Variants in PUS10 observed in about 807,000 individuals in gnomAD.
PUS10 encodes tRNA pseudouridine synthase Pus10.
PUS10 carries 59 observed loss-of-function variants against 75.0 expected under a neutral mutation model. The observed-to-expected ratio is 0.79, with a 90% CI of 0.64 to 0.98. The LOEUF is 0.98. Ranked by LOEUF, PUS10 falls within the 50% of genes least tolerant of loss-of-function variation. PUS10 has a pLI of 0.00. For synonymous variants in PUS10, 219 were observed against 211.6 expected, an observed-to-expected ratio of 1.03 and a Z score of -0.30; for missense variants, 650 against 614.4, an observed-to-expected ratio of 1.06 and a Z score of -0.61.
chr2:60,945,172 C>G, intron 16 of PUS10, 64 bp from the exon 17 acceptor site: 10 of 994,638 alleles, frequency 1.0e-5, no homozygotes, highest in Non-Finnish European at 1.6e-5. Flanking sequence ...TAAGATTTGA[C>G]AGGCAAAAAT....
At position 60,961,454 on chromosome 2, in the gene PUS10, A is replaced by G. The variant is rs777475333; in HGVS notation, c.874+9T>C. On this transcript the variant is annotated intron_variant, in intron 10 of 17. Coordinates refer to ENST00000316752, the MANE Select transcript of PUS10 (RefSeq NM_144709.4). ...ACAGTGTATGTATATTCTAGACTAA[A>G]TATTTTACCAGCCACAAAAACAGCA... is the stretch of plus-strand genomic sequence containing the variant. 9.9e-6 allele frequency: 16 copies of G among 1,608,724 alleles called. No homozygotes were observed. The highest frequency in any genetic ancestry group is 1.3e-5 in the Non-Finnish European group (15 of 1,175,198).
chr2:60,983,473 G>A (rs1677531627), intron 4 of PUS10, among the ~76,000 whole-genome samples: 1 of 152,120 alleles, frequency 6.6e-6, no homozygotes, highest in African/African-American at 2.4e-5. Context: ...GAGGTCAGGA[G>A]TTTGAGACCA....
Position 60,965,270 on chromosome 2 carries a change from A to G in PUS10, c.677+153T>C, listed in dbSNP as rs149414078. The G allele has an allele frequency of 6.0e-5, 59 of 977,470 alleles. No homozygotes were observed. The East Asian group carries it at 1.4e-3, about 23-fold the overall frequency. The allele number at this position is 977,470 out of a possible 1,614,324, so 60.5% of individuals were successfully genotyped here. ...GTTTGCCCAGGAACTATGTTCAAGG[A>G]CACATTTTATTTTTTTGAGGGCACA... is the stretch of plus-strand genomic sequence containing the variant. On this transcript the variant is annotated intron_variant, in intron 7 of 17. Transcript: ENST00000316752.
intron 4 of PUS10, among the ~76,000 whole-genome samples, chr2:60,997,445 C>G (rs1381791963): frequency 6.6e-6 from 1 of 151,938 alleles, no homozygotes; most frequent in Non-Finnish European, 1.5e-5. Context: ...CTCGTCTGTA[C>G]TAAAAATACA....
At chr2:61,005,310 A>C (rs1333745933) in intron 4 of PUS10, among the ~76,000 whole-genome samples, 5 of 152,204 alleles carry the variant, frequency 3.3e-5, no homozygotes, top group African/African-American at 1.2e-4. Flanking sequence ...CTAATACGGA[A>C]TATAAATACC....
intron 17 of PUS10, among the ~76,000 whole-genome samples, chr2:60,943,780 G>A (rs1338855281): frequency 6.6e-6 from 1 of 151,638 alleles, no homozygotes. Flanking sequence ...GTGTGTGTGT[G>A]TGTGTGTGTG....
rs1448850034 is a variant in PUS10 at position 60,954,158 on chromosome 2, C to G, written c.1058G>C (p.Gly353Ala). 6.2e-7 allele frequency: 1 copy of G among 1,613,950 alleles called. No homozygotes were observed. Among genetic ancestry groups the G allele is most frequent in the East Asian group, 2.2e-5 (1 of 44,896 alleles). Residue 353 changes from glycine to alanine, a missense_variant and splice_region_variant, in exon 13 of 18, where the codon GGA (glycine) becomes GCA (alanine). Physicochemically the swap from Gly to Ala is moderately conservative, Grantham distance 60. Coordinates refer to ENST00000316752, the MANE Select transcript of PUS10 (RefSeq NM_144709.4). Reference sequence around the variant, plus strand: ...CACCAGCTCAATTGCAAAGGGCCTTCCTGGCAGCACACACCCCGTCATGAA... The same window carrying G: ...CACCAGCTCAATTGCAAAGGGCCTTGCTGGCAGCACACACCCCGTCATGAA... Reference protein sequence around the residue: ...EDVDVRTLGNGRPFAIELVNP... With the variant: ...EDVDVRTLGNARPFAIELVNP...
intron 1 of PUS10, among the ~76,000 whole-genome samples, chr2:61,016,382 G>A (rs989034036): frequency 6.6e-6 from 1 of 152,188 alleles, no homozygotes; most frequent in Admixed American, 6.5e-5. Context: ...GAGAAAATAC[G>A]TTACGTCTTA....
chr2:60,958,946 G>A (rs1363065846), intron 11 of PUS10, among the ~76,000 whole-genome samples: 2 of 152,034 alleles, frequency 1.3e-5, no homozygotes, highest in Non-Finnish European at 2.9e-5. Context: ...TATCATCCAT[G>A]CCCTGCAGTT....
At chr2:60,970,278 G>A (rs1573431165) in intron 5 of PUS10, among the ~76,000 whole-genome samples, 1 of 152,108 alleles carries the variant, frequency 6.6e-6, no homozygotes, top group African/African-American at 2.4e-5. Flanking sequence ...CAAACCTTAT[G>A]TAGTTATTAC....
chr2:60,951,196 CTA>C (rs1440684857), intron 15 of PUS10, among the ~76,000 whole-genome samples: 1 of 152,104 alleles, frequency 6.6e-6, no homozygotes, highest in African/African-American at 2.4e-5. Context: ...ACACAATCCT[CTA>C]TATGTGTATA....
intron 10 of PUS10, among the ~76,000 whole-genome samples, chr2:60,961,124 G>T (rs753148992): frequency 1.1e-4 from 16 of 152,172 alleles, no homozygotes; most frequent in Admixed American, 3.3e-4. Flanking sequence ...TTGCTTTTAT[G>T]TTATAAAATA....
chr2:60,986,007 A>G (rs1265935566), intron 4 of PUS10, among the ~76,000 whole-genome samples: 2 of 152,022 alleles, frequency 1.3e-5, no homozygotes, highest in Non-Finnish European at 2.9e-5. Context: ...AAAATGCATT[A>G]AAAGTACCTA....
At chr2:60,997,625 A>AG (rs1157822347) in intron 4 of PUS10, among the ~76,000 whole-genome samples, 1,701 of 148,838 alleles carry the variant, frequency 0.011, 43 homozygotes, top group African/African-American at 0.042. Flanking sequence ...AAAAAAAAAA[A>AG]AAAAGGACTT....
At position 61,017,790 on chromosome 2, in the gene PUS10, C is replaced by G. The variant is rs1680108011; in HGVS notation, c.-16+218G>C. 3.2e-6 allele frequency: 5 copies of G among 1,550,394 alleles called. No homozygotes were observed. Among genetic ancestry groups the G allele is most frequent in the Non-Finnish European group, 4.4e-6 (5 of 1,146,886 alleles). ...GTCCCAGCCGCCACCTCCCCCCAAA[C>G]CCTGGGAGACCCGCCGAATTCCGGG... On this transcript the variant is annotated intron_variant, in intron 1 of 17. Coordinates refer to ENST00000316752, the MANE Select transcript of PUS10 (RefSeq NM_144709.4).
intron 2 of PUS10, chr2:61,009,931 T>C (rs1043088527): frequency 6.6e-6 from 1 of 152,214 alleles, no homozygotes; most frequent in Non-Finnish European, 1.5e-5. Context: ...TACAGGTACA[T>C]TTTGACTCAC....
intron 6 of PUS10, 159 bp downstream of exon 6, chr2:60,967,343 C>T (rs916974501): frequency 7.6e-6 from 4 of 523,036 alleles, no homozygotes; most frequent in African/African-American, 6.1e-5. Flanking sequence ...GCTTTGACTT[C>T]AATTTAAGAC....
intron 15 of PUS10, among the ~76,000 whole-genome samples, chr2:60,949,662 A>C (rs1675215515): frequency 6.6e-6 from 1 of 152,162 alleles, no homozygotes; most frequent in Admixed American, 6.5e-5. Flanking sequence ...CAGTTTTTAT[A>C]ATTTTTATGC....
chr2:60,998,595 C>G (rs981171180), intron 4 of PUS10, among the ~76,000 whole-genome samples: 1 of 151,606 alleles, frequency 6.6e-6, no homozygotes, highest in Admixed American at 6.6e-5. Flanking sequence ...GAGGCTGAAG[C>G]GGGAGAATCG....
Sources: allele counts gnomAD v4.1 joint callset (sites outside exome capture counted in the v4.1 genomes callset), GRCh38; gene constraint gnomAD v4.1.1; transcripts MANE v1.5; gene names NCBI Gene and HGNC (gene_info 2026-07-23, HGNC 2026-07-21).